The following XRN1 variants were observed in gnomAD, a reference collection of about 807,000 sequenced individuals.
XRN1 encodes the protein 5'-3' exoribonuclease 1, also known as strand-exchange protein 1 homolog.
A neutral mutation model predicts 222.3 loss-of-function variants in XRN1; 67 were observed. The ratio of observed to expected loss-of-function variants is 0.30; its 90% confidence interval spans 0.25 to 0.37. The LOEUF is 0.37. Among genes scored for constraint, XRN1 ranks in the 10% least tolerant of loss-of-function variants. XRN1 has a pLI of 1.00. For synonymous variants in XRN1, 643 were observed against 652.4 expected, an observed-to-expected ratio of 0.99 and a Z score of 0.22; for missense variants, 1,707 against 2,000.2, an observed-to-expected ratio of 0.85 and a Z score of 2.80.
intron 20 of XRN1, among the ~76,000 whole-genome samples, chr3:142,390,735 A>C (rs1290335129): frequency 6.6e-6 from 1 of 152,168 alleles, no homozygotes; most frequent in East Asian, 1.9e-4. Context: ...ATTCACAACT[A>C]TTTGGTGCAA....
At chr3:142,323,921 G>A (rs1302914117) in intron 37 of XRN1, among the ~76,000 whole-genome samples, 2 of 151,124 alleles carry the variant, frequency 1.3e-5, no homozygotes, top group African/African-American at 2.4e-5. Flanking sequence ...ACACATTTAT[G>A]GGGTACATGT....
intron 32 of XRN1, among the ~76,000 whole-genome samples, chr3:142,351,898 T>C (rs1270051216): frequency 1.3e-5 from 2 of 150,938 alleles, no homozygotes; most frequent in Non-Finnish European, 3.0e-5. Flanking sequence ...AACATTTTTT[T>C]TTAAGTTAAA....
chr3:142,318,860 A>G lies in XRN1; in HGVS notation c.4448T>C (p.Val1483Ala). 1 of 1,613,978 alleles carries G rather than the reference A, an allele frequency of 6.2e-7. No individual in the cohort carries two copies. Among genetic ancestry groups the G allele is most frequent in the East Asian group, 2.2e-5 (1 of 44,864 alleles). Reference sequence around the variant, plus strand: ...TTCAGAGTGGCACTGTGGCCCATGTACCAGTAAGCCATTAGATAATTTTAC... The same window carrying G: ...TTCAGAGTGGCACTGTGGCCCATGTGCCAGTAAGCCATTAGATAATTTTAC... ...CQVKLSNGLLVHGPQCHSENE... is the reference protein window; with the variant it reads ...CQVKLSNGLLAHGPQCHSENE... The change falls in exon 38 of 41, where the codon GTA becomes GCA. Residue 1483 changes from valine to alanine, a missense_variant. Physicochemically the swap from Val to Ala is moderately conservative, Grantham distance 64. Coordinates refer to ENST00000392981, the MANE Select transcript of XRN1 (RefSeq NM_001282857.2).
At chr3:142,338,717 A>G (rs2065910237) in intron 33 of XRN1, among the ~76,000 whole-genome samples, 1 of 151,648 alleles carries the variant, frequency 6.6e-6, no homozygotes, top group African/African-American at 2.4e-5. Flanking sequence ...GCCAGAGGGA[A>G]CCCCACTGCC....
In XRN1 at chr3:142,355,483, T is replaced by A; in HGVS notation, c.3686A>T (p.Asp1229Val). The change falls in exon 32 of 41, where the codon GAT becomes GTT. Residue 1229 changes from aspartate (D) to valine (V), a missense_variant. Asp to Val is a radical substitution (Grantham distance 152). This residue lies in a region of XRN1 where 1,234 missense variants were observed against 1,518.2 expected (regional missense o/e 0.81). Transcript: ENST00000392981. ...CCAAATGTTGCAGAATTCATCATCA[T>A]CTTTAGTAGGTACCTAGCAAAGTAC... is the stretch of plus-strand genomic sequence containing the variant. ...LFVPTQVPTK[D>V]DDEFCNIWQS... The A allele has an allele frequency of 3.8e-6, 6 of 1,593,818 alleles. No homozygotes were observed. The highest frequency in any genetic ancestry group is 5.1e-6 in the Non-Finnish European group (6 of 1,168,394).
chr3:142,441,743 T>C (rs988165533), intron 1 of XRN1, among the ~76,000 whole-genome samples: 2 of 152,238 alleles, frequency 1.3e-5, no homozygotes, highest in African/African-American at 2.4e-5. Context: ...GTTGCGACTG[T>C]GCACTTGTGC....
At chr3:142,422,248 T>G (rs542432474) in intron 8 of XRN1, among the ~76,000 whole-genome samples, 1 of 152,214 alleles carries the variant, frequency 6.6e-6, no homozygotes, top group South Asian at 2.1e-4. Flanking sequence ...GGCATGGGCA[T>G]AGCTTGAATC....
At chr3:142,437,391 C>T (rs566776443) in intron 1 of XRN1, among the ~76,000 whole-genome samples, 1 of 152,206 alleles carries the variant, frequency 6.6e-6, no homozygotes, top group Non-Finnish European at 1.5e-5. Context: ...AGTTTCCCAA[C>T]AGAACTGCTT....
rs895486660 is a variant in XRN1 at position 142,422,819 on chromosome 3, C to A, written c.798+16G>T. 2.5e-6 allele frequency: 4 copies of A among 1,604,950 alleles called. No homozygotes were observed. The African/African-American group carries it at 5.4e-5, about 22-fold the overall frequency. On this transcript the variant is annotated intron_variant, in intron 7 of 40. Coordinates refer to ENST00000392981, the MANE Select transcript of XRN1 (RefSeq NM_001282857.2). ...TGCAATGGAAATCCTTGGTCCATGG[C>A]TTTATTAATACTTACTTTTAATACT...
In XRN1 at chr3:142,306,795, T is replaced by C. The variant is rs1017565206; in HGVS notation, c.*4716A>G. 19 of 152,692 alleles carry C rather than the reference T, an allele frequency of 1.2e-4. No homozygotes were observed. Among genetic ancestry groups the C allele is most frequent in the African/African-American group, 4.6e-4 (19 of 41,560 alleles). The allele number at this position is 152,692 out of a possible 1,614,324, so 9.5% of individuals were successfully genotyped here. A position where few individuals can be genotyped will look rare whatever the true frequency, so the allele number is the denominator to read the frequency against. Reference sequence around the variant, plus strand: ...CATTCGGAGTCCATTCCAATGCAAGTTTAAAACACTTTAATTGGCAGACAA... The same window carrying C: ...CATTCGGAGTCCATTCCAATGCAAGCTTAAAACACTTTAATTGGCAGACAA... On this transcript the variant is annotated 3_prime_UTR_variant, in exon 41 of 41. Coordinates refer to ENST00000392981, the MANE Select transcript of XRN1 (RefSeq NM_001282857.2).
intron 34 of XRN1, 61 bp from the exon 35 acceptor site, chr3:142,333,150 C>CT: frequency 6.5e-7 from 1 of 1,536,904 alleles, no homozygotes; most frequent in African/African-American, 1.4e-5. Context: ...ACACAAAAAG[C>CT]TGAGTTTTAT....
chr3:142,380,807 GC>G (rs2067279107), intron 22 of XRN1, among the ~76,000 whole-genome samples: 1 of 151,982 alleles, frequency 6.6e-6, no homozygotes, highest in African/African-American at 2.4e-5. Context: ...CTACAGGTAT[GC>G]ACCACTAAGC....
In XRN1 at chr3:142,335,522, A is replaced by G; in HGVS notation, c.3878-13T>C. 1 of 1,610,046 alleles carries G rather than the reference A, an allele frequency of 6.2e-7. No individual in the cohort carries two copies. The highest frequency in any genetic ancestry group is 8.5e-7 in the Non-Finnish European group (1 of 1,178,316). ...CACTCTTCTTTAACTAGAGACAAGA[A>G]AACAGAAATTTTCATAAATGGAAGT... is the stretch of plus-strand genomic sequence containing the variant. On this transcript the variant is annotated splice_polypyrimidine_tract_variant and intron_variant, in intron 33 of 40. Coordinates refer to ENST00000392981, the MANE Select transcript of XRN1 (RefSeq NM_001282857.2).
At chr3:142,440,881 C>T (rs968960707) in intron 1 of XRN1, among the ~76,000 whole-genome samples, 4 of 152,220 alleles carry the variant, frequency 2.6e-5, no homozygotes, top group African/African-American at 9.6e-5. Context: ...CTCACCTGGA[C>T]TGTTTTACCC....
intron 12 of XRN1, chr3:142,418,107 A>G: frequency 5.7e-6 from 1 of 176,624 alleles, no homozygotes; most frequent in Non-Finnish European, 1.2e-5. Flanking sequence ...ATTGTTATGA[A>G]CTTTCTGCAA....
At chr3:142,426,118 A>C (rs1245978693) in intron 3 of XRN1, among the ~76,000 whole-genome samples, 1 of 152,186 alleles carries the variant, frequency 6.6e-6, no homozygotes, top group African/African-American at 2.4e-5. Flanking sequence ...TGACCAATGC[A>C]CTTAAAGAAA....
At chr3:142,400,580 T>C in intron 18 of XRN1, 33 bp from the exon 19 acceptor site, 1 of 1,568,448 alleles carries the variant, frequency 6.4e-7, no homozygotes, top group South Asian at 1.2e-5. Flanking sequence ...TCATTCATGA[T>C]TTCAGGTCTA....
At chr3:142,325,661 C>G (rs889787946) in intron 37 of XRN1, among the ~76,000 whole-genome samples, 9 of 152,158 alleles carry the variant, frequency 5.9e-5, no homozygotes, top group South Asian at 2.1e-4. Flanking sequence ...TGTGCAGAAG[C>G]TTTTTAAGCT....
At chr3:142,413,082 C>T (rs753038647) in intron 14 of XRN1, among the ~76,000 whole-genome samples, 1 of 152,194 alleles carries the variant, frequency 6.6e-6, no homozygotes, top group South Asian at 2.1e-4. Flanking sequence ...AGAACTGATT[C>T]TATTAAGTAA....
Sources: gnomAD v4.1 joint callset for allele counts (sites outside exome capture counted in the v4.1 genomes callset) on GRCh38, gnomAD v4.1.1 for gene constraint, gnomAD v4.1.1 regional missense constraint, MANE v1.5 for transcripts, NCBI Gene and HGNC (gene_info 2026-07-23, HGNC 2026-07-21) for gene names.